The following LRMDA variants were observed in gnomAD, a reference collection of about 807,000 sequenced individuals.
LRMDA encodes the protein leucine-rich melanocyte differentiation-associated protein.
A neutral mutation model predicts 29.8 loss-of-function variants in LRMDA; 18 were observed. The observed-to-expected ratio is 0.60, with a 90% CI of 0.42 to 0.90. The LOEUF is 0.90. LRMDA is among the 40% of genes least tolerant of loss of function. LRMDA has a pLI of 0.00. For missense variants in LRMDA, 273 were observed against 273.9 expected (o/e 1.00, Z 0.02); for synonymous variants, 125 against 109.4 (o/e 1.14, Z -0.89).
At chr10:76,398,812 G>T (rs572124154) in intron 6 of LRMDA, among the ~76,000 whole-genome samples, 1 of 152,324 alleles carries the variant, frequency 6.6e-6, no homozygotes, top group Non-Finnish European at 1.5e-5. Context: ...GAAAAGGATG[G>T]TTTCTCTTGG....
At chr10:76,106,716 C>T (rs1849491280) in intron 5 of LRMDA, among the ~76,000 whole-genome samples, 1 of 152,206 alleles carries the variant, frequency 6.6e-6, no homozygotes, top group Admixed American at 6.5e-5. Context: ...TGAAAACACC[C>T]TTCCTGTGTA....
chr10:76,275,235 G>A (rs1840116418), intron 5 of LRMDA, among the ~76,000 whole-genome samples: 1 of 152,050 alleles, frequency 6.6e-6, no homozygotes, highest in Non-Finnish European at 1.5e-5. Context: ...TATGAGGTCA[G>A]ACTGACTTTT....
chr10:76,244,469 C>T (rs1462307761), intron 5 of LRMDA, among the ~76,000 whole-genome samples: 1 of 152,154 alleles, frequency 6.6e-6, no homozygotes, highest in African/African-American at 2.4e-5. Flanking sequence ...CATGGTACAG[C>T]TGGTGTTTTT....
At chr10:76,095,298 A>G (rs1379271092) in intron 5 of LRMDA, among the ~76,000 whole-genome samples, 1 of 152,200 alleles carries the variant, frequency 6.6e-6, no homozygotes, top group Non-Finnish European at 1.5e-5. Flanking sequence ...ATATTGTTGC[A>G]ATGTATCAGT....
intron 5 of LRMDA, among the ~76,000 whole-genome samples, chr10:76,111,261 T>A (rs74513195): frequency 6.6e-6 from 1 of 152,258 alleles, no homozygotes. Context: ...GTTATTTTGC[T>A]TCTCTGCTTC....
chr10:76,557,093 C>T, intron 6 of LRMDA, 116 bp from the exon 7 acceptor site: 4 of 788,500 alleles, frequency 5.1e-6, no homozygotes, highest in Non-Finnish European at 8.8e-6. Flanking sequence ...GAGCTTCATC[C>T]ACTTTCTGCT....
intron 2 of LRMDA, among the ~76,000 whole-genome samples, chr10:75,736,585 G>T (rs548699881): frequency 8.1e-4 from 123 of 152,172 alleles, no homozygotes; most frequent in African/African-American, 2.7e-3. Flanking sequence ...TGCTAATTAG[G>T]CTTCTAACAA....
At chr10:75,936,129 C>T (rs1009368716) in intron 2 of LRMDA, among the ~76,000 whole-genome samples, 1 of 151,990 alleles carries the variant, frequency 6.6e-6, no homozygotes, top group African/African-American at 2.4e-5. Context: ...GTAAAGCACC[C>T]GGTACATTGA....
chr10:75,476,720 C>G (rs4745774), intron 2 of LRMDA, among the ~76,000 whole-genome samples: 1 of 152,116 alleles, frequency 6.6e-6, no homozygotes, highest in Non-Finnish European at 1.5e-5. Flanking sequence ...TTTCCCAGCT[C>G]TTGGTGTTTG....
intron 2 of LRMDA, among the ~76,000 whole-genome samples, chr10:75,736,756 G>A (rs1842767860): frequency 6.6e-6 from 1 of 152,014 alleles, no homozygotes; most frequent in Admixed American, 6.5e-5. Context: ...TTTTTATGGT[G>A]TGCATAATGA....
intron 2 of LRMDA, among the ~76,000 whole-genome samples, chr10:76,035,519 A>G (rs1322451918): frequency 6.6e-6 from 1 of 152,138 alleles, no homozygotes; most frequent in East Asian, 1.9e-4. Context: ...TGTACAGAGA[A>G]CTGCTAAGAA....
intron 1 of LRMDA, among the ~76,000 whole-genome samples, chr10:75,436,066 A>AG (rs1844260686): frequency 7.0e-6 from 1 of 141,952 alleles, no homozygotes; most frequent in South Asian, 2.2e-4. Flanking sequence ...TAAAAAAAAA[A>AG]AAAAAAAAGA....
At chr10:75,647,157 C>A (rs1178576439) in intron 2 of LRMDA, among the ~76,000 whole-genome samples, 1 of 152,196 alleles carries the variant, frequency 6.6e-6, no homozygotes, top group African/African-American at 2.4e-5. Flanking sequence ...CTCTCCTACC[C>A]TCCTTCACCA....
At chr10:75,569,887 C>G (rs962832091) in intron 2 of LRMDA, among the ~76,000 whole-genome samples, 2 of 152,174 alleles carry the variant, frequency 1.3e-5, no homozygotes, top group African/African-American at 4.8e-5. Context: ...GGATAGTTCA[C>G]ATATATGGAG....
chr10:76,023,712 GGTT>G (rs1188987710), intron 2 of LRMDA, among the ~76,000 whole-genome samples: 1 of 152,166 alleles, frequency 6.6e-6, no homozygotes, highest in Non-Finnish European at 1.5e-5. Flanking sequence ...CAGGTTCCTT[GGTT>G]GTTCCTAAGA....
chr10:75,929,135 G>A (rs983998627), intron 2 of LRMDA, among the ~76,000 whole-genome samples: 2 of 152,088 alleles, frequency 1.3e-5, no homozygotes, highest in African/African-American at 2.4e-5. Flanking sequence ...AAAGGACCTC[G>A]GGGTCCAGGA....
chr10:75,864,152 C>T lies in LRMDA; in HGVS notation c.132-171856C>T, dbSNP rs545495606. 1.2e-4 allele frequency among the ~76,000 whole-genome samples: 19 copies of T among 152,304 alleles called. 1 individual carries two copies. The East Asian group carries it at 3.3e-3, about 26-fold the overall frequency. ...GTCTCTGTCTACTCTTTAAGGTTAT[C>T]TTGAGAACCGGATGAGATAATATTT... On this transcript the variant is annotated intron_variant, in intron 2 of 6. Transcript: ENST00000611255.
chr10:76,278,407 C>A (rs867988637), intron 5 of LRMDA, among the ~76,000 whole-genome samples: 4 of 152,226 alleles, frequency 2.6e-5, no homozygotes, highest in Middle Eastern at 3.4e-3. Context: ...ATAAAGTGCT[C>A]AACGCATGTA....
At chr10:76,047,573 A>T (rs2132041738) in intron 4 of LRMDA, among the ~76,000 whole-genome samples, 1 of 152,288 alleles carries the variant, frequency 6.6e-6, no homozygotes, top group Admixed American at 6.5e-5. Context: ...AGTTACATGG[A>T]CTTGTCACAA....
Sources: allele counts gnomAD v4.1 joint callset (sites outside exome capture counted in the v4.1 genomes callset), GRCh38; gene constraint gnomAD v4.1.1; transcripts MANE v1.5; gene names NCBI Gene and HGNC (gene_info 2026-07-23, HGNC 2026-07-21).